Variants in RTP2 observed in about 807,000 individuals in gnomAD.
The protein encoded by RTP2 is receptor-transporting protein 2.
Under a neutral mutation model 17.9 loss-of-function variants are expected in RTP2, and 12 were observed. That is an observed-to-expected ratio of 0.67 (90% confidence interval 0.43 to 1.09). RTP2 has a LOEUF of 1.09. Ranked by LOEUF, RTP2 falls within the 50% of genes least tolerant of loss-of-function variation. The pLI, the probability that RTP2 is intolerant of heterozygous loss-of-function variation, is 0.00. For synonymous variants in RTP2, 126 were observed against 117.7 expected, an observed-to-expected ratio of 1.07 and a Z score of -0.46; for missense variants, 327 against 295.7, an observed-to-expected ratio of 1.11 and a Z score of -0.78.
At chr3:187,698,683 A>G (rs1164776592) in exon 2 of RTP2, 1 of 1,614,050 alleles carries the variant, frequency 6.2e-7, no homozygotes, top group Non-Finnish European at 8.5e-7. Context: ...CTGGGCTTCC[A>G]GTGAACGATG....
At chr3:187,701,361 G>A (rs148392082) in intron 1 of RTP2, among the ~76,000 whole-genome samples, 5 of 152,250 alleles carry the variant, frequency 3.3e-5, no homozygotes, top group East Asian at 3.9e-4. Context: ...TTTATCACAG[G>A]TGCATAGATA....
At chr3:187,714,268 C>T in the RTP2 span, among the ~76,000 whole-genome samples, 2 of 152,208 alleles carry the variant, frequency 1.3e-5, no homozygotes, top group Admixed American at 6.5e-5. Context: ...GAATTGGCCT[C>T]TTTTGCCCAA....
the RTP2 span, among the ~76,000 whole-genome samples, chr3:187,708,906 T>A: frequency 1.3e-5 from 2 of 151,906 alleles, no homozygotes; most frequent in Non-Finnish European, 2.9e-5. Flanking sequence ...ACTCATACAA[T>A]CTGGCTTACT....
upstream of RTP2, chr3:187,702,614 CT>C (rs1484094842): frequency 4.4e-6 from 2 of 456,238 alleles, no homozygotes; most frequent in African/African-American, 2.0e-5. Flanking sequence ...TCCACACCCC[CT>C]GATATGCTGT....
chr3:187,698,511 G>A (rs748151162), exon 2 of RTP2: 1 of 1,609,690 alleles, frequency 6.2e-7, no homozygotes, highest in South Asian at 1.1e-5. Context: ...AAAGAAGGCA[G>A]GACTGAGGAA....
chr3:187,698,689 C>G (rs780808305), exon 2 of RTP2: 1 of 1,614,082 alleles, frequency 6.2e-7, no homozygotes, highest in South Asian at 1.1e-5. Context: ...TTCCAGTGAA[C>G]GATGCCCTCC....
rs1717748584 is a variant in RTP2, at chr3:187,698,570, G to T, written c.606C>A (p.Cys202Ter). 1.2e-6 allele frequency: 2 copies of T among 1,614,208 alleles called. No homozygotes were observed. The highest frequency in any genetic ancestry group is 1.7e-6 in the Non-Finnish European group (2 of 1,180,034). The change falls in exon 2 of 2, where the codon TGC (cysteine) becomes TGA (stop). Residue 202 changes from cysteine to a stop codon, truncating the protein, a stop_gained. Transcript: ENST00000358241. LOFTEE classifies it high-confidence loss of function. Reference sequence around the variant, plus strand: ...GCAGGCAGAGAGAGGCCCAGAAGAGGCACCAGCGAAGAGACAAGAAGTTGT... The same window carrying T: ...GCAGGCAGAGAGAGGCCCAGAAGAGTCACCAGCGAAGAGACAAGAAGTTGT...
upstream of RTP2, among the ~76,000 whole-genome samples, chr3:187,705,171 G>GA (rs144908331): frequency 7.5e-4 from 112 of 148,932 alleles, no homozygotes; most frequent in Non-Finnish European, 1.4e-3. Flanking sequence ...ATGCAAGGGA[G>GA]AAAAAAAAAA....
chr3:187,712,652 T>C, the RTP2 span, among the ~76,000 whole-genome samples: 1 of 152,168 alleles, frequency 6.6e-6, no homozygotes, highest in Admixed American at 6.5e-5. Context: ...CTCTAAGTCC[T>C]GAGTCCATGC....
intron 1 of RTP2, among the ~76,000 whole-genome samples, chr3:187,699,568 G>A (rs932401546): frequency 6.0e-4 from 92 of 152,090 alleles, no homozygotes; most frequent in Middle Eastern, 3.4e-3. Flanking sequence ...TGGACAGACC[G>A]GTAGATGGGT....
upstream of RTP2, among the ~76,000 whole-genome samples, chr3:187,705,925 G>A (rs891736775): frequency 2.0e-5 from 3 of 152,030 alleles, no homozygotes; most frequent in Non-Finnish European, 4.4e-5. Context: ...GCATAAAATT[G>A]GACAAACATT....
chr3:187,703,322 C>T (rs768818376), upstream of RTP2, among the ~76,000 whole-genome samples: 147 of 152,120 alleles, frequency 9.7e-4, no homozygotes, highest in Non-Finnish European at 1.4e-3. Context: ...TGCTAAGAAC[C>T]GGAAGCTCTT....
the RTP2 span, among the ~76,000 whole-genome samples, chr3:187,714,288 T>C: frequency 6.6e-6 from 1 of 152,194 alleles, no homozygotes; most frequent in African/African-American, 2.4e-5. Context: ...AGAATTGAGA[T>C]ATAACCCCTT....
upstream of RTP2, among the ~76,000 whole-genome samples, chr3:187,704,096 T>C (rs1717930377): frequency 6.6e-6 from 1 of 152,198 alleles, no homozygotes; most frequent in African/African-American, 2.4e-5. Context: ...CATCACACTC[T>C]GGCAGCTTCA....
chr3:187,714,132 A>G, the RTP2 span, among the ~76,000 whole-genome samples: 1 of 152,092 alleles, frequency 6.6e-6, no homozygotes, highest in Non-Finnish European at 1.5e-5. Context: ...TTAACTGGCG[A>G]GATTGTGGTG....
chr3:187,698,591 G>A (rs1369343635), exon 2 of RTP2: 1 of 1,614,246 alleles, frequency 6.2e-7, no homozygotes, highest in East Asian at 2.2e-5. Context: ...GAGACAAGAA[G>A]TTGTAGCCGG....
At chr3:187,711,368 T>A in the RTP2 span, among the ~76,000 whole-genome samples, 1 of 152,228 alleles carries the variant, frequency 6.6e-6, no homozygotes, top group African/African-American at 2.4e-5. Flanking sequence ...CCATGCACTA[T>A]GCCATTAGGG....
At chr3:187,711,854 C>T in the RTP2 span, among the ~76,000 whole-genome samples, 1 of 152,202 alleles carries the variant, frequency 6.6e-6, no homozygotes, top group Non-Finnish European at 1.5e-5. Context: ...GTTCTTGGCA[C>T]ATAGTGAGTG....
chr3:187,705,382 C>G (rs1017395627), upstream of RTP2, among the ~76,000 whole-genome samples: 10 of 152,292 alleles, frequency 6.6e-5, 1 homozygote, highest in African/African-American at 2.4e-4. Context: ...ACACTCCTAG[C>G]CATCAAGGCA....
Sources: allele counts gnomAD v4.1 joint callset (sites outside exome capture counted in the v4.1 genomes callset), GRCh38; gene constraint gnomAD v4.1.1; transcripts MANE v1.5; gene names NCBI Gene and HGNC (gene_info 2026-07-23, HGNC 2026-07-21).